DTD1: variants seen among roughly 807,000 people sequenced by gnomAD.
DTD1 encodes D-aminoacyl-tRNA deacylase 1.
In DTD1, 13 loss-of-function variants were observed where a neutral mutation model predicts 25.6. The observed-to-expected ratio is 0.51, with a 90% CI of 0.33 to 0.81. The LOEUF (loss-of-function observed/expected upper bound fraction) is 0.81. Ranked by LOEUF, DTD1 falls within the 30% of genes least tolerant of loss-of-function variation. DTD1 has a pLI of 0.02. For synonymous variants in DTD1, 110 were observed against 103.6 expected, an observed-to-expected ratio of 1.06 and a Z score of -0.37; for missense variants, 193 against 266.4, an observed-to-expected ratio of 0.72 and a Z score of 1.92.
chr20:18,683,400 A>G (rs1233946422), intron 4 of DTD1, among the ~76,000 whole-genome samples: 1 of 152,180 alleles, frequency 6.6e-6, no homozygotes, highest in African/African-American at 2.4e-5. Context: ...TGGGTATTTC[A>G]GATTTCAAGA....
intron 4 of DTD1, among the ~76,000 whole-genome samples, chr20:18,681,069 C>CTT (rs2060995002): frequency 6.6e-6 from 1 of 152,204 alleles, no homozygotes; most frequent in Non-Finnish European, 1.5e-5. Context: ...GTTCTCTGCT[C>CTT]TTTATCCCAG....
intron 4 of DTD1, among the ~76,000 whole-genome samples, chr20:18,738,335 C>T (rs1186533782): frequency 1.3e-5 from 2 of 152,114 alleles, no homozygotes; most frequent in East Asian, 3.9e-4. Context: ...TGTCCATGGG[C>T]ATGTGGTGTA....
intron 4 of DTD1, among the ~76,000 whole-genome samples, chr20:18,654,798 T>TA (rs35791362): frequency 2.7e-4 from 40 of 150,152 alleles, no homozygotes; most frequent in East Asian, 9.8e-4. Flanking sequence ...GAAAGCTCAT[T>TA]AAAAAAAAAA....
At chr20:18,706,518 G>C (rs138121969) in intron 4 of DTD1, among the ~76,000 whole-genome samples, 141 of 152,330 alleles carry the variant, frequency 9.3e-4, no homozygotes, top group Non-Finnish European at 1.4e-3. Flanking sequence ...AATGTGGGCA[G>C]TTCAGCATTT....
At chr20:18,652,268 T>G (rs2060877154) in intron 4 of DTD1, among the ~76,000 whole-genome samples, 1 of 152,232 alleles carries the variant, frequency 6.6e-6, no homozygotes, top group African/African-American at 2.4e-5. Flanking sequence ...GGATTCCCAA[T>G]AAATATTAGC....
At chr20:18,683,835 G>A (rs1403897576) in intron 4 of DTD1, among the ~76,000 whole-genome samples, 2 of 152,168 alleles carry the variant, frequency 1.3e-5, no homozygotes, top group Admixed American at 6.5e-5. Flanking sequence ...TGATTCCAAG[G>A]ACAGGCAATG....
chr20:18,643,197 G>A (rs2060836711), intron 4 of DTD1: 3 of 244,212 alleles, frequency 1.2e-5, no homozygotes, highest in Non-Finnish European at 8.5e-6. Flanking sequence ...TTACAGTTGT[G>A]AGCCACTATG....
At chr20:18,744,935 A>G (rs1012382786) in intron 5 of DTD1, among the ~76,000 whole-genome samples, 1 of 152,176 alleles carries the variant, frequency 6.6e-6, no homozygotes, top group Non-Finnish European at 1.5e-5. Context: ...GTGGCATACC[A>G]CAGGCCTGGG....
chr20:18,633,210 G>A (rs1266602309), intron 4 of DTD1, among the ~76,000 whole-genome samples: 3 of 152,040 alleles, frequency 2.0e-5, no homozygotes, highest in African/African-American at 7.3e-5. Flanking sequence ...GCCCTTTCTT[G>A]CCTGCTCTGT....
intron 4 of DTD1, among the ~76,000 whole-genome samples, chr20:18,730,079 A>G (rs962585565): frequency 5.3e-5 from 8 of 151,844 alleles, no homozygotes; most frequent in Non-Finnish European, 1.2e-4. Context: ...CCCAAAATAT[A>G]TGCTTTTTAA....
chr20:18,695,496 T>TCTTC (rs2061070389), intron 4 of DTD1, among the ~76,000 whole-genome samples: 1 of 50,044 alleles, frequency 2.0e-5, no homozygotes, highest in African/African-American at 5.9e-5. Context: ...CTTCCTTTCC[T>TCTTC]TTCCCTTCCC....
chr20:18,744,402 C>A, intron 5 of DTD1, 131 bp downstream of exon 5: 1 of 1,004,998 alleles, frequency 1.0e-6, no homozygotes, highest in Non-Finnish European at 1.4e-6. Context: ...AATCTGCTGC[C>A]TTCCAGGATG....
rs1478349521 is a variant in DTD1 at position 18,588,091 on chromosome 20, C to G, written c.19C>G (p.Arg7Gly). 7.5e-7 allele frequency: 1 copy of G among 1,340,948 alleles called. No individual in the cohort carries two copies. Among genetic ancestry groups the G allele is most frequent in the East Asian group, 3.1e-5 (1 of 31,882 alleles). 83.1% of individuals were successfully genotyped at this position (1,340,948 alleles called of 1,614,324 possible). The change falls in exon 1 of 6, where the codon CGC becomes GGC. Residue 7 changes from arginine to glycine, a missense_variant. Coordinates refer to ENST00000377452, the MANE Select transcript of DTD1 (RefSeq NM_080820.6). The stretch of plus-strand genomic sequence containing the variant: ...CGCCGCCATGAAGGCCGTGGTGCAG[C>G]GCGTCACCCGGGCCAGCGTCACAGG... MKAVVQ[R>G]VTRASVTVGG...
intron 5 of DTD1, among the ~76,000 whole-genome samples, chr20:18,757,347 G>A (rs555398761): frequency 6.6e-6 from 1 of 152,350 alleles, no homozygotes; most frequent in East Asian, 1.9e-4. Flanking sequence ...CCTGTCTTGT[G>A]TGAGTTTTCA....
intron 3 of DTD1, among the ~76,000 whole-genome samples, chr20:18,596,448 C>T (rs1280307088): frequency 1.3e-5 from 2 of 152,198 alleles, no homozygotes; most frequent in East Asian, 1.9e-4. Context: ...TTGCCCTCCT[C>T]CCTTCTTCTG....
At chr20:18,628,261 C>T (rs752714953) in intron 4 of DTD1, 28 bp downstream of exon 4, 28 of 1,585,230 alleles carry the variant, frequency 1.8e-5, no homozygotes, top group Admixed American at 3.3e-5. Flanking sequence ...TGCCTGGCTC[C>T]GTCCCTTGGG....
intron 3 of DTD1, among the ~76,000 whole-genome samples, chr20:18,610,738 C>T (rs557784748): frequency 1.2e-4 from 18 of 152,162 alleles, no homozygotes; most frequent in Admixed American, 7.9e-4. Context: ...GACAAAATCT[C>T]GTCTCTACAA....
At chr20:18,620,292 A>T (rs1316992809) in intron 3 of DTD1, among the ~76,000 whole-genome samples, 1 of 152,204 alleles carries the variant, frequency 6.6e-6, no homozygotes, top group Non-Finnish European at 1.5e-5. Context: ...CGTATTGGAC[A>T]CATTAAGTTT....
At chr20:18,664,914 G>A (rs887983811) in intron 4 of DTD1, among the ~76,000 whole-genome samples, 1 of 151,678 alleles carries the variant, frequency 6.6e-6, no homozygotes, top group Admixed American at 6.6e-5. Flanking sequence ...TTCCTTAAGG[G>A]AGACCTGGGT....
Sources: gnomAD v4.1 joint callset for allele counts (sites outside exome capture counted in the v4.1 genomes callset) on GRCh38, gnomAD v4.1.1 for gene constraint, MANE v1.5 for transcripts, NCBI Gene and HGNC (gene_info 2026-07-23, HGNC 2026-07-21) for gene names.